Variants in FCGR2B observed in about 807,000 individuals in gnomAD.
FCGR2B encodes Fc gamma receptor IIb, also known as low affinity immunoglobulin gamma Fc region receptor II-b.
FCGR2B carries 18 observed loss-of-function variants against 24.8 expected under a neutral mutation model. The observed-to-expected ratio is 0.73, with a 90% CI of 0.50 to 1.08. The LOEUF is 1.08. Ranked by LOEUF, FCGR2B falls within the 50% of genes least tolerant of loss-of-function variation. FCGR2B has a pLI of 0.00. For synonymous variants in FCGR2B, 79 were observed against 109.8 expected, an observed-to-expected ratio of 0.72 and a Z score of 1.75; for missense variants, 215 against 297.6, an observed-to-expected ratio of 0.72 and a Z score of 2.04.
In FCGR2B at chr1:161,677,309, TTTC is replaced by T. The variant is rs1557904658; in HGVS notation, c.818-13_818-11del. On this transcript the variant is annotated splice_polypyrimidine_tract_variant and intron_variant, in intron 6 of 7. Coordinates refer to ENST00000358671, the MANE Select transcript of FCGR2B (RefSeq NM_001394477.1). ...TTCTCCAGCAGTGCTCTGGCTGATA[TTTC>T]TTCTTTTTCCCACAGCCAATCCCAC... The T allele has an allele frequency of 6.2e-7, 1 of 1,613,608 alleles. No individual in the cohort carries two copies. Among genetic ancestry groups the T allele is most frequent in the African/African-American group, 1.3e-5 (1 of 75,006 alleles).
At chr1:161,676,550 G>A (rs1682156727) in intron 6 of FCGR2B, 2 of 167,352 alleles carry the variant, frequency 1.2e-5, no homozygotes, top group South Asian at 2.0e-4. Flanking sequence ...GGGTTGCTGG[G>A]ATTCTTGGGA....
At chr1:161,671,774 C>A in intron 3 of FCGR2B, 125 bp downstream of exon 3, 1 of 1,521,490 alleles carries the variant, frequency 6.6e-7, no homozygotes, top group Non-Finnish European at 8.9e-7. Context: ...TGAGTTGCCT[C>A]AGCACATATC....
chr1:161,675,539 A>G lies in FCGR2B; in HGVS notation c.817+226A>G, dbSNP rs180684110. On this transcript the variant is annotated intron_variant, in intron 6 of 7. Coordinates refer to ENST00000358671, the MANE Select transcript of FCGR2B (RefSeq NM_001394477.1). The stretch of plus-strand genomic sequence containing the variant: ...GAGAAACACCAGTCCCAGATACAGA[A>G]GAGAGGGCTGTGTCCGAATTTCTGG... 1,556 of 431,570 alleles carry G rather than the reference A, an allele frequency of 3.6e-3. 56 individuals are homozygous for G. In the Admixed American group the frequency reaches 0.058, roughly 16 times the overall value. The allele number at this position is 431,570 out of a possible 1,614,324, so 26.7% of individuals were successfully genotyped here. A position where few individuals can be genotyped will look rare whatever the true frequency, so the allele number is the denominator to read the frequency against.
chr1:161,675,125 G>A (rs1682003876), intron 5 of FCGR2B, 132 bp from the exon 6 acceptor site: 2 of 629,382 alleles, frequency 3.2e-6, no homozygotes, highest in African/African-American at 1.9e-5. Context: ...GGGAGCTGGG[G>A]GTGGGAGGAC....
At chr1:161,647,271 GC>G in the FCGR2B span, among the ~76,000 whole-genome samples, 2 of 147,806 alleles carry the variant, frequency 1.4e-5, no homozygotes, top group African/African-American at 2.5e-5. Flanking sequence ...GGTAAGTGCA[GC>G]CCCGGGTTCT....
At chr1:161,673,903 A>AT (rs1681910152) in intron 4 of FCGR2B, 57 bp from the exon 5 acceptor site, 1 of 442,330 alleles carries the variant, frequency 2.3e-6, no homozygotes. Flanking sequence ...ATAGCATTGG[A>AT]TGGGGGGGAG....
At chr1:161,661,254 GAAA>G (rs1557895272), upstream of FCGR2B, among the ~76,000 whole-genome samples, 283 of 37,356 alleles carry the variant, frequency 7.6e-3, 22 homozygotes, top group Middle Eastern at 0.021. Flanking sequence ...AAGAAAGAAA[GAAA>G]GAAAGGAAGG....
At chr1:161,650,432 T>C in the FCGR2B span, among the ~76,000 whole-genome samples, 2 of 144,720 alleles carry the variant, frequency 1.4e-5, no homozygotes, top group African/African-American at 5.2e-5. Flanking sequence ...CATCAGCATA[T>C]AGGGAGTGAA....
chr1:161,652,149 A>G, the FCGR2B span, among the ~76,000 whole-genome samples: 24 of 125,044 alleles, frequency 1.9e-4, 5 homozygotes, highest in Admixed American at 1.7e-3. Flanking sequence ...AACTTCCATT[A>G]TTTTTGAAAA....
chr1:161,653,027 T>C, the FCGR2B span, among the ~76,000 whole-genome samples: 3 of 134,346 alleles, frequency 2.2e-5, 1 homozygote, highest in African/African-American at 7.7e-5. Flanking sequence ...CTTTTGCTTC[T>C]TATTCAGTAC....
At position 161,678,536 on chromosome 1, in the gene FCGR2B, T is replaced by C. The variant is rs963285468; in HGVS notation, c.*983T>C. 2.3e-5 allele frequency: 5 copies of C among 215,234 alleles called. No individual in the cohort carries two copies. The highest frequency in any genetic ancestry group is 1.7e-4 in the Admixed American group (3 of 17,186). The allele number at this position is 215,234 out of a possible 1,614,324, so 13.3% of individuals were successfully genotyped here. A position where few individuals can be genotyped will look rare whatever the true frequency, so the allele number is the denominator to read the frequency against. On this transcript the variant is annotated 3_prime_UTR_variant, in exon 8 of 8. Transcript: ENST00000358671. ...ACAAAATTGCCTGCATTTCTCAAAA[T>C]GTATCCCCATATTTCAACAATGCAT...
chr1:161,672,029 C>T (rs1401094986), intron 3 of FCGR2B: 16 of 274,620 alleles, frequency 5.8e-5, no homozygotes, highest in Admixed American at 1.9e-4. Flanking sequence ...GGGGCACTAA[C>T]GCCTCCCTCA....
rs771988755 is a variant in FCGR2B, at chr1:161,677,535, T to C, written c.915T>C (p.Asp305=). The C allele has an allele frequency of 1.2e-5, 19 of 1,612,712 alleles. No individual in the cohort carries two copies. Among genetic ancestry groups the C allele is most frequent in the Admixed American group, 8.4e-5 (5 of 59,864 alleles). The part of the protein sequence containing the change: ...LMHPDALEEP[D]DQNRI ...ACCCGGATGCTCTGGAAGAGCCTGATGACCAGAACCGTATTTAGTCTCCAT... is the reference window on the plus strand; with the variant it reads ...ACCCGGATGCTCTGGAAGAGCCTGACGACCAGAACCGTATTTAGTCTCCAT... The change falls in exon 8 of 8, where the codon GAT becomes GAC. Residue 305 remains aspartate, a synonymous_variant. Transcript: ENST00000358671.
the FCGR2B span, among the ~76,000 whole-genome samples, chr1:161,655,870 T>TATTTATTTA: frequency 1.2e-5 from 1 of 82,258 alleles, no homozygotes; most frequent in Non-Finnish European, 2.9e-5. Flanking sequence ...TTTATTTATT[T>TATTTATTTA]TGAGACTGAG....
chr1:161,654,165 C>T, the FCGR2B span, among the ~76,000 whole-genome samples: 1 of 134,530 alleles, frequency 7.4e-6, no homozygotes, highest in Non-Finnish European at 1.7e-5. Flanking sequence ...TTGATTTTTT[C>T]AGGGCAGTGG....
intron 6 of FCGR2B, chr1:161,676,588 C>T (rs747945074): frequency 4.4e-5 from 7 of 159,996 alleles, no homozygotes; most frequent in East Asian, 1.5e-4. Context: ...ATTCAGAATG[C>T]GGTTTACTGC....
rs764194070 is a variant in FCGR2B at position 161,671,461 on chromosome 1, C to T, written c.203C>T (p.Thr68Ile). ...WINVLQEDSV[T>I]LTCRGTHSPE... ...AACGTGCTCCAGGAGGACTCTGTGA[C>T]TCTGACATGCCGGGGGACTCACAGC... The change falls in exon 3 of 8, where the codon ACT becomes ATT. Residue 68 changes from threonine (T) to isoleucine (I), a missense_variant. Thr to Ile is a moderately conservative substitution (Grantham distance 89). Coordinates refer to ENST00000358671, the MANE Select transcript of FCGR2B (RefSeq NM_001394477.1). 5 of 1,614,222 alleles carry T rather than the reference C, an allele frequency of 3.1e-6. No homozygotes were observed. Among genetic ancestry groups the T allele is most frequent in the Non-Finnish European group, 4.2e-6 (5 of 1,180,038 alleles).
rs1571020293 is a variant in FCGR2B at position 161,669,575 on chromosome 1, A to AAAATG, written c.113-673_113-672insGAAAT. ...ACAGAGTGAGACCCTGTCCCCCCACAAAATAAAATAAAATAAAATAAAATA... is the reference window on the plus strand; with the variant it reads ...ACAGAGTGAGACCCTGTCCCCCCACAAAATGAAATAAAATAAAATAAAATAAAATA... On this transcript the variant is annotated intron_variant, in intron 1 of 7. Transcript: ENST00000358671. 5.1e-5 allele frequency among the ~76,000 whole-genome samples: 2 copies of AAAATG among 39,092 alleles called. 1 individual carries two copies. Among genetic ancestry groups the AAAATG allele is most frequent in the African/African-American group, 1.7e-4 (2 of 11,718 alleles). The allele number at this position is 39,092 out of a possible 152,430, so 25.6% of individuals were successfully genotyped here.
At chr1:161,660,899 C>CAGAAAAAA (rs1680955079), upstream of FCGR2B, among the ~76,000 whole-genome samples, 1 of 28,190 alleles carries the variant, frequency 3.5e-5, no homozygotes. Context: ...ACTAAAAATA[C>CAGAAAAAA]AAAAAAAAAA....
Sources: allele counts gnomAD v4.1 joint callset (sites outside exome capture counted in the v4.1 genomes callset), GRCh38; gene constraint gnomAD v4.1.1; transcripts MANE v1.5; gene names NCBI Gene and HGNC (gene_info 2026-07-23, HGNC 2026-07-21).